ANKRD28: variants seen among roughly 807,000 people sequenced by gnomAD.
ANKRD28 encodes ankyrin repeat domain 28, also known as serine/threonine-protein phosphatase 6 regulatory ankyrin repeat subunit A.
A neutral mutation model predicts 126.5 loss-of-function variants in ANKRD28; 44 were observed. The ratio of observed to expected loss-of-function variants is 0.35; its 90% CI spans 0.27 to 0.45. The LOEUF (loss-of-function observed/expected upper bound fraction) is 0.45. ANKRD28 is among the 20% of genes least tolerant of loss of function. The pLI, the probability that ANKRD28 is intolerant of heterozygous loss-of-function variation, is 1.00. For synonymous variants in ANKRD28, 442 were observed against 468.5 expected (o/e 0.94, Z 0.73); for missense variants, 1,110 against 1,316.6 (o/e 0.84, Z 2.43).
At chr3:15,700,878 A>C (rs1460357655) in intron 14 of ANKRD28, among the ~76,000 whole-genome samples, 1 of 152,194 alleles carries the variant, frequency 6.6e-6, no homozygotes, top group Non-Finnish European at 1.5e-5. Context: ...TGGGCCATAA[A>C]AGTGAAATAG....
intron 13 of ANKRD28, among the ~76,000 whole-genome samples, chr3:15,708,477 G>C (rs1055416213): frequency 6.6e-6 from 1 of 151,710 alleles, no homozygotes; most frequent in African/African-American, 2.4e-5. Context: ...CAAAAGGTAA[G>C]AGAAAAAAAT....
intron 10 of ANKRD28, among the ~76,000 whole-genome samples, chr3:15,713,303 T>C (rs750545671): frequency 1.3e-5 from 2 of 152,130 alleles, no homozygotes; most frequent in Admixed American, 6.5e-5. Flanking sequence ...TTACTCAAAG[T>C]GAGAAAGAAC....
At chr3:15,761,845 C>A (rs2058472489) in intron 3 of ANKRD28, among the ~76,000 whole-genome samples, 2 of 151,958 alleles carry the variant, frequency 1.3e-5, no homozygotes, top group African/African-American at 4.8e-5. Flanking sequence ...GAAGAAATAT[C>A]CACCAATCAA....
rs1575767584 is a variant in ANKRD28 at position 15,820,898 on chromosome 3, T to C, written c.28-25592A>G. Among the ~76,000 whole-genome samples, 6 of 152,332 alleles carry C rather than the reference T, an allele frequency of 3.9e-5. No homozygotes were observed. In the South Asian group the frequency reaches 1.2e-3, roughly 32 times the overall value. ...TTCCTTCTGAAAAAGTTAAAGTGGT[T>C]AGGTCCAAATTTAGTCACTAAACTT... On this transcript the variant is annotated intron_variant, in intron 1 of 27. Coordinates refer to the ANKRD28 transcript ENST00000399451.
At chr3:15,691,314 G>A (rs1465758470) in intron 17 of ANKRD28, among the ~76,000 whole-genome samples, 1 of 151,898 alleles carries the variant, frequency 6.6e-6, no homozygotes, top group African/African-American at 2.4e-5. Flanking sequence ...TAGTAGAAAC[G>A]GGGTTTCACC....
rs1489467531 is a variant in ANKRD28 at position 15,807,008 on chromosome 3, G to C, written c.28-11702C>G. 2.0e-5 allele frequency among the ~76,000 whole-genome samples: 3 copies of C among 152,194 alleles called. No individual in the cohort carries two copies. The East Asian group carries it at 5.8e-4, about 29-fold the overall frequency. ...CAAGAATTAAAATAAGGTGGCTTTA[G>C]GGTGACTGATTCAGTTATCCAATGC... On this transcript the variant is annotated intron_variant, in intron 1 of 27. Coordinates refer to the ANKRD28 transcript ENST00000399451.
At chr3:15,799,548 T>C (rs1259878382), upstream of ANKRD28, among the ~76,000 whole-genome samples, 1 of 152,136 alleles carries the variant, frequency 6.6e-6, no homozygotes, top group African/African-American at 2.4e-5. Context: ...AATTATGTTA[T>C]CCATCTCCAC....
intron 2 of ANKRD28, among the ~76,000 whole-genome samples, chr3:15,766,779 A>G (rs2058759527): frequency 6.6e-6 from 1 of 152,238 alleles, no homozygotes; most frequent in African/African-American, 2.4e-5. Flanking sequence ...AAGTCCAGCA[A>G]AGAATAAAAA....
At chr3:15,841,011 C>T (rs2061415598) in intron 1 of ANKRD28, among the ~76,000 whole-genome samples, 1 of 152,132 alleles carries the variant, frequency 6.6e-6, no homozygotes, top group Admixed American at 6.5e-5. Flanking sequence ...CATGATGGTG[C>T]ACGCCTGTAA....
chr3:15,772,785 C>T (rs1397276574), intron 2 of ANKRD28, among the ~76,000 whole-genome samples: 1 of 152,180 alleles, frequency 6.6e-6, no homozygotes, highest in Non-Finnish European at 1.5e-5. Context: ...CTCCCGGGTT[C>T]AAGCGATTCT....
At chr3:15,793,750 T>G (rs1245718776) in intron 2 of ANKRD28, among the ~76,000 whole-genome samples, 2 of 152,176 alleles carry the variant, frequency 1.3e-5, no homozygotes, top group South Asian at 2.1e-4. Flanking sequence ...CTGGGTAAAG[T>G]AGCCAGACAC....
chr3:15,700,644 G>A (rs2070436471), intron 14 of ANKRD28, among the ~76,000 whole-genome samples: 1 of 151,840 alleles, frequency 6.6e-6, no homozygotes, highest in Admixed American at 6.6e-5. Context: ...TGTGGTGGCG[G>A]GCGCCTGTAG....
intron 4 of ANKRD28, among the ~76,000 whole-genome samples, chr3:15,739,500 C>T (rs1427583236): frequency 6.6e-6 from 1 of 152,088 alleles, no homozygotes; most frequent in African/African-American, 2.4e-5. Context: ...TCTGGGTTCT[C>T]ATGTCAATTC....
At chr3:15,858,404 A>G (rs1167363327) in intron 1 of ANKRD28, among the ~76,000 whole-genome samples, 1 of 152,248 alleles carries the variant, frequency 6.6e-6, no homozygotes, top group East Asian at 1.9e-4. Flanking sequence ...TCTTGATATT[A>G]GATTCAGAAT....
At chr3:15,720,357 T>A (rs551560526) in intron 8 of ANKRD28, among the ~76,000 whole-genome samples, 1 of 152,330 alleles carries the variant, frequency 6.6e-6, no homozygotes, top group South Asian at 2.1e-4. Context: ...AGTATTTTAC[T>A]CTATGTCTTT....
In ANKRD28 at chr3:15,814,814, T is replaced by C. The variant is rs1250092777; in HGVS notation, c.28-19508A>G. On this transcript the variant is annotated intron_variant, in intron 1 of 27. Coordinates refer to the ANKRD28 transcript ENST00000399451. This position sits in a 1 kb window ranked among gnomAD's most constrained non-coding sequence, Gnocchi z 4.7. ...ATGTAGAACATACTCATTTCAGTAA[T>C]ACATAAATTTAAGAAATCACTGCAA... 6.6e-6 allele frequency among the ~76,000 whole-genome samples: 1 copy of C among 151,546 alleles called. No individual in the cohort carries two copies. Among genetic ancestry groups the C allele is most frequent in the Non-Finnish European group, 1.5e-5 (1 of 67,880 alleles).
At chr3:15,810,952 C>A (rs2060698993) in intron 1 of ANKRD28, among the ~76,000 whole-genome samples, 1 of 152,160 alleles carries the variant, frequency 6.6e-6, no homozygotes. Flanking sequence ...ACCAAGCCTA[C>A]TGTGAGTGAC....
At chr3:15,746,502 G>A (rs557045170) in intron 4 of ANKRD28, among the ~76,000 whole-genome samples, 3 of 152,260 alleles carry the variant, frequency 2.0e-5, no homozygotes, top group Admixed American at 1.3e-4. Flanking sequence ...TTTATGTGGT[G>A]TATCACATTT....
intron 1 of ANKRD28, among the ~76,000 whole-genome samples, chr3:15,820,618 C>G (rs570282337): frequency 6.6e-6 from 1 of 152,234 alleles, no homozygotes; most frequent in Non-Finnish European, 1.5e-5. Context: ...CTGACACACA[C>G]ACAAAATGAA....
Sources: gnomAD v4.1 joint callset for allele counts (sites outside exome capture counted in the v4.1 genomes callset) on GRCh38, gnomAD v4.1.1 for gene constraint, Gnocchi (gnomAD v3.1) non-coding constraint, MANE v1.5 for transcripts, NCBI Gene and HGNC (gene_info 2026-07-23, HGNC 2026-07-21) for gene names.